The following SCRG1 variants were observed in gnomAD, a reference collection of about 807,000 sequenced individuals.
SCRG1 encodes the protein scrapie-responsive protein 1.
SCRG1 carries 3 observed loss-of-function variants against 7.7 expected under a neutral mutation model. That is an observed-to-expected ratio of 0.39 (90% CI 0.18 to 1.01). The LOEUF (loss-of-function observed/expected upper bound fraction) is 1.01. SCRG1 is among the 50% of genes least tolerant of loss of function. SCRG1 has a pLI of 0.36. For missense variants in SCRG1, 110 were observed against 117.2 expected (o/e 0.94, Z 0.28); for synonymous variants, 46 against 41.2 (o/e 1.12, Z -0.44).
the SCRG1 span, among the ~76,000 whole-genome samples, chr4:173,413,780 T>C: frequency 1.3e-5 from 2 of 152,198 alleles, no homozygotes; most frequent in South Asian, 4.1e-4. Context: ...TTTGTTGTGA[T>C]TATCTAACTT....
chr4:173,452,165 G>A, the SCRG1 span, among the ~76,000 whole-genome samples: 10,965 of 151,946 alleles, frequency 0.072, 689 homozygotes, highest in East Asian at 0.3. Context: ...GAACCCAGGA[G>A]GCAGCGGTTG....
the SCRG1 span, among the ~76,000 whole-genome samples, chr4:173,478,760 G>A: frequency 4.6e-5 from 7 of 152,180 alleles, no homozygotes; most frequent in Non-Finnish European, 8.8e-5. Context: ...TCTTGCAGAA[G>A]CCACTGTGGA....
the SCRG1 span, chr4:173,420,089 G>T: frequency 1.7e-6 from 1 of 588,274 alleles, no homozygotes. Flanking sequence ...AATTTCACTT[G>T]GTAACTCTTA....
the SCRG1 span, among the ~76,000 whole-genome samples, chr4:173,459,227 A>C: frequency 3.3e-5 from 5 of 152,226 alleles, no homozygotes; most frequent in African/African-American, 1.2e-4. Flanking sequence ...AAAATCAACA[A>C]GGCAACATTG....
At chr4:173,390,042 T>G (rs576753662) in intron 2 of SCRG1, 28 of 247,480 alleles carry the variant, frequency 1.1e-4, no homozygotes, top group East Asian at 5.8e-4. Context: ...TTATACCTTT[T>G]TTTGTTTGTT....
At chr4:173,448,600 A>G in the SCRG1 span, among the ~76,000 whole-genome samples, 3 of 152,254 alleles carry the variant, frequency 2.0e-5, no homozygotes, top group African/African-American at 7.2e-5. Context: ...TAGCCTTAAC[A>G]TCAGCAAAAT....
At chr4:173,498,578 G>T in the SCRG1 span, among the ~76,000 whole-genome samples, 4 of 152,340 alleles carry the variant, frequency 2.6e-5, no homozygotes, top group Middle Eastern at 3.4e-3. Context: ...AATGAGCAGG[G>T]TTCCAGTGTT....
chr4:173,432,815 G>A, the SCRG1 span, among the ~76,000 whole-genome samples: 3 of 152,242 alleles, frequency 2.0e-5, no homozygotes, highest in Non-Finnish European at 2.9e-5. Context: ...GTTTAAGGCA[G>A]CTGGGCATCT....
the SCRG1 span, among the ~76,000 whole-genome samples, chr4:173,483,216 T>C: frequency 2.9e-5 from 1 of 33,992 alleles, no homozygotes; most frequent in East Asian, 1.2e-3. Context: ...ATATATCATA[T>C]AATATATATA....
chr4:173,414,646 C>G, the SCRG1 span, among the ~76,000 whole-genome samples: 1 of 152,208 alleles, frequency 6.6e-6, no homozygotes, highest in African/African-American at 2.4e-5. Context: ...GGTGGGTGTT[C>G]TCATCTACAA....
At chr4:173,416,911 A>ACACACACACACACAC in the SCRG1 span, among the ~76,000 whole-genome samples, 2 of 125,150 alleles carry the variant, frequency 1.6e-5, no homozygotes, top group African/African-American at 6.5e-5. Flanking sequence ...CACACACCCA[A>ACACACACACACACAC]ACACACACAC....
chr4:173,505,095 G>A, the SCRG1 span, among the ~76,000 whole-genome samples: 1 of 152,208 alleles, frequency 6.6e-6, no homozygotes, highest in East Asian at 1.9e-4. This position sits in a 1 kb window ranked among gnomAD's most constrained non-coding sequence, Gnocchi z 4.4. Flanking sequence ...GGTTAAAAAC[G>A]CCCATTAAAT....
chr4:173,517,162 G>C, the SCRG1 span, among the ~76,000 whole-genome samples: 2 of 152,114 alleles, frequency 1.3e-5, no homozygotes, highest in African/African-American at 4.8e-5. Flanking sequence ...CTCGGGGCTC[G>C]GGCGGGGTCA....
At chr4:173,479,223 G>T in the SCRG1 span, among the ~76,000 whole-genome samples, 2 of 152,198 alleles carry the variant, frequency 1.3e-5, no homozygotes, top group Admixed American at 6.5e-5. Flanking sequence ...CCCAATTTAC[G>T]AGTCCAAGCA....
chr4:173,483,220 A>ATATAT, the SCRG1 span, among the ~76,000 whole-genome samples: 3 of 18,914 alleles, frequency 1.6e-4, no homozygotes, highest in Non-Finnish European at 2.2e-4. Flanking sequence ...ATCATATAAT[A>ATATAT]TATATATTAT....
At chr4:173,485,402 C>G in the SCRG1 span, among the ~76,000 whole-genome samples, 1 of 149,618 alleles carries the variant, frequency 6.7e-6, no homozygotes, top group Non-Finnish European at 1.5e-5. Context: ...ACAACAAGTA[C>G]CAAACATGAC....
chr4:173,475,958 A>G, the SCRG1 span, among the ~76,000 whole-genome samples: 1 of 152,192 alleles, frequency 6.6e-6, no homozygotes, highest in Non-Finnish European at 1.5e-5. Context: ...TGATGAATGG[A>G]TATAGAGTTT....
upstream of SCRG1, among the ~76,000 whole-genome samples, chr4:173,406,926 C>T (rs917553366): frequency 4.6e-5 from 7 of 152,030 alleles, no homozygotes; most frequent in East Asian, 1.9e-4. Context: ...CAGAGGTGCG[C>T]GCTGGGCATG....
At chr4:173,396,741 T>TGTGTGTGTGTGTGTGTGTGTGTGA (rs35823365) in intron 1 of SCRG1, among the ~76,000 whole-genome samples, 9 of 145,528 alleles carry the variant, frequency 6.2e-5, no homozygotes, top group African/African-American at 1.8e-4. Flanking sequence ...TGTGTGTGTG[T>TGTGTGTGTGTGTGTGTGTGTGTGA]GTGTGTGTAT....
Sources: allele counts gnomAD v4.1 joint callset (sites outside exome capture counted in the v4.1 genomes callset), GRCh38; gene constraint gnomAD v4.1.1; non-coding constraint Gnocchi (gnomAD v3.1); transcripts MANE v1.5; gene names NCBI Gene and HGNC (gene_info 2026-07-23, HGNC 2026-07-21).